The following AATK variants were observed in gnomAD, a reference collection of about 807,000 sequenced individuals.
AATK encodes the protein serine/threonine-protein kinase LMTK1.
A neutral mutation model predicts 114.3 loss-of-function variants in AATK; 91 were observed. That is an observed-to-expected ratio of 0.80 (90% CI 0.67 to 0.95). The LOEUF is 0.95. AATK is among the 40% of genes least tolerant of loss of function. AATK has a pLI of 0.00. For synonymous variants in AATK, 1,075 were observed against 916.5 expected (o/e 1.17, Z -3.12); for missense variants, 2,176 against 1,965.2 (o/e 1.11, Z -2.03).
In AATK at chr17:81,119,578, C is replaced by T; in HGVS notation, c.3886G>A (p.Gly1296Ser). 6.4e-7 allele frequency: 1 copy of T among 1,565,604 alleles called. No homozygotes were observed. Among genetic ancestry groups the T allele is most frequent in the Non-Finnish European group, 8.6e-7 (1 of 1,158,308 alleles). The stretch of plus-strand genomic sequence containing the variant: ...AAGTCGTCGTCCCACGCGAACCCAC[C>T]ACCTGCAGCCCAGGTCGCGGCGTCA... ...SPNGSTAEEGGGFAWDDDFPL... is the reference protein window; with the variant it reads ...SPNGSTAEEGSGFAWDDDFPL... The change falls in exon 13 of 14, where the codon GGT (glycine) becomes AGT (serine). Residue 1296 changes from glycine to serine, a missense_variant and splice_region_variant. Coordinates refer to ENST00000326724, the MANE Select transcript of AATK (RefSeq NM_001080395.3).
rs1416558474 is a variant in AATK, at chr17:81,122,398, G to A, written c.1538C>T (p.Pro513Leu). ...QELCAPDGAP[P>L]GVVPVLSAHS... The stretch of plus-strand genomic sequence containing the variant: ...CGCGCTGAGCACCGGAACCACGCCC[G>A]GGGGCGCGCCGTCGGGGGCGCACAG... Residue 513 changes from proline (P) to leucine (L), a missense_variant, in exon 11 of 14, where the codon CCG (proline) becomes CTG (leucine). Pro to Leu is a moderately conservative substitution (Grantham distance 98, BLOSUM62 -3). Coordinates refer to ENST00000326724, the MANE Select transcript of AATK (RefSeq NM_001080395.3). 53 of 1,474,288 alleles carry A rather than the reference G, an allele frequency of 3.6e-5. No individual in the cohort carries two copies. In the East Asian group the frequency reaches 1.4e-3, roughly 40 times the overall value. The allele number at this position is 1,474,288 out of a possible 1,614,324, so 91.3% of individuals were successfully genotyped here.
rs755309401 is a variant in AATK at position 81,122,060 on chromosome 17, C to T, written c.1876G>A (p.Asp626Asn). The stretch of plus-strand genomic sequence containing the variant: ...AAGGCGGCCACGCCCCAGTCTGCAT[C>T]CTCCGCTCCTCCCTCCGCCAGACTC... ...PLSLAEGGAE[D>N]ADWGVAAFCP... is the part of the protein sequence containing the mutation. Residue 626 changes from aspartate to asparagine, a missense_variant, in exon 11 of 14, where the codon GAT (aspartate) becomes AAT (asparagine). Transcript: ENST00000326724. 17 of 1,592,760 alleles carry T rather than the reference C, an allele frequency of 1.1e-5. No homozygotes were observed. Among genetic ancestry groups the T allele is most frequent in the Admixed American group, 6.7e-5 (4 of 59,416 alleles).
At chr17:81,148,411 C>A (rs375121946) in intron 1 of AATK, among the ~76,000 whole-genome samples, 15 of 152,230 alleles carry the variant, frequency 9.9e-5, no homozygotes, top group Non-Finnish European at 2.2e-4. Context: ...TCTTGCAAAG[C>A]GCCTGATGTG....
chr17:81,134,648 T>C, intron 1 of AATK, 147 bp from the exon 2 acceptor site: 2 of 1,069,812 alleles, frequency 1.9e-6, no homozygotes, highest in South Asian at 3.2e-5. Flanking sequence ...ACCCCACACC[T>C]CACAGTGTGG....
intron 1 of AATK, among the ~76,000 whole-genome samples, chr17:81,151,966 C>G (rs1053950376): frequency 6.6e-6 from 1 of 152,170 alleles, no homozygotes; most frequent in Non-Finnish European, 1.5e-5. Context: ...GGCAGTGCCA[C>G]GCTTGCCTTC....
chr17:81,138,672 T>C (rs2061069657), intron 1 of AATK, among the ~76,000 whole-genome samples: 1 of 140,478 alleles, frequency 7.1e-6, no homozygotes. Flanking sequence ...TATCCATACA[T>C]GCACACCCAC....
intron 1 of AATK, among the ~76,000 whole-genome samples, chr17:81,147,659 G>C (rs903096161): frequency 2.0e-5 from 3 of 152,172 alleles, no homozygotes; most frequent in Non-Finnish European, 4.4e-5. Flanking sequence ...CGGAGGCTGA[G>C]GTCGGAGGAT....
In AATK at chr17:81,122,827, C is replaced by T. The variant is rs569799855; in HGVS notation, c.1113-4G>A. 51 of 1,519,584 alleles carry T rather than the reference C, an allele frequency of 3.4e-5. No individual in the cohort carries two copies. In the Admixed American group the frequency reaches 5.4e-4, roughly 16 times the overall value. 94.1% of individuals were successfully genotyped at this position (1,519,584 alleles called of 1,614,324 possible). A position where few individuals can be genotyped will look rare whatever the true frequency, so the allele number is the denominator to read the frequency against. ...GCAGAACTGCATCACCTCGTACCTG[C>T]GAGGAGGTCCCCCGGGGGCCACGTC... On this transcript the variant is annotated splice_polypyrimidine_tract_variant and splice_region_variant and intron_variant, in intron 10 of 13. Coordinates refer to ENST00000326724, the MANE Select transcript of AATK (RefSeq NM_001080395.3).
chr17:81,122,211 C>A lies in AATK; in HGVS notation c.1725G>T (p.Glu575Asp), dbSNP rs913316217. ...CGGGTGGCCCGTGGCCCAGCAGCGGCTCCATGGCCAGCGAGGCGGCGGTGC... is the reference window on the plus strand; with the variant it reads ...CGGGTGGCCCGTGGCCCAGCAGCGGATCCATGGCCAGCGAGGCGGCGGTGC... ...DGSTAASLAM[E>D]PLLGHGPPVD... The change falls in exon 11 of 14, where the codon GAG becomes GAT. Residue 575 changes from glutamate to aspartate, a missense_variant. Glu to Asp is a conservative substitution (Grantham distance 45). Around this residue, in one of 4 missense-constraint regions of AATK, gnomAD observed 1,701 missense variants for 1,394.7 expected, o/e 1.22. Coordinates refer to ENST00000326724, the MANE Select transcript of AATK (RefSeq NM_001080395.3). The A allele has an allele frequency of 1.1e-5, 16 of 1,498,626 alleles. No homozygotes were observed. The African/African-American group carries it at 2.2e-4, about 21-fold the overall frequency. 92.8% of individuals were successfully genotyped at this position (1,498,626 alleles called of 1,614,324 possible).
At position 81,126,821 on chromosome 17, in the gene AATK, T is replaced by C. The variant is rs1238819103; in HGVS notation, c.622-261A>G. The stretch of plus-strand genomic sequence containing the variant: ...CGGGCAGCAGGAGTCCCTTGGCCTG[T>C]GGTAGAGAGAGAAACACAGGGCCCA... On this transcript the variant is annotated intron_variant, in intron 6 of 13. Transcript: ENST00000326724. The surrounding 1 kb of genome is among the most constrained non-coding windows in gnomAD (Gnocchi z 5.1). The C allele has an allele frequency of 7.6e-7, 1 of 1,313,968 alleles. No individual in the cohort carries two copies. Among genetic ancestry groups the C allele is most frequent in the African/African-American group, 1.5e-5 (1 of 67,602 alleles). The allele number at this position is 1,313,968 out of a possible 1,614,324, so 81.4% of individuals were successfully genotyped here. A position where few individuals can be genotyped will look rare whatever the true frequency, so the allele number is the denominator to read the frequency against.
rs747187733 is a variant in AATK at position 81,128,424 on chromosome 17, T to C, written c.414+46A>G. On this transcript the variant is annotated intron_variant, in intron 4 of 13. Transcript: ENST00000326724. Reference sequence around the variant, plus strand: ...GAGCAGGTCTGCAGCCCTGTGTCCCTTCTGCCTCCCAGGCGGGAGTCCTCC... The same window carrying C: ...GAGCAGGTCTGCAGCCCTGTGTCCCCTCTGCCTCCCAGGCGGGAGTCCTCC... 4 of 1,546,304 alleles carry C rather than the reference T, an allele frequency of 2.6e-6. No individual in the cohort carries two copies. The African/African-American group carries it at 5.5e-5, about 21-fold the overall frequency.
chr17:81,150,726 C>T (rs559516800), intron 1 of AATK, among the ~76,000 whole-genome samples: 1 of 152,324 alleles, frequency 6.6e-6, no homozygotes, highest in South Asian at 2.1e-4. Context: ...GAAGCGGGCT[C>T]TGGCCCCTAA....
chr17:81,149,256 C>T (rs1320584321), intron 1 of AATK, among the ~76,000 whole-genome samples: 4 of 152,172 alleles, frequency 2.6e-5, no homozygotes, highest in African/African-American at 9.7e-5. Context: ...TCACCCACCA[C>T]CACAGCCTCC....
intron 3 of AATK, among the ~76,000 whole-genome samples, chr17:81,130,733 C>A (rs549858262): frequency 1.3e-5 from 2 of 152,124 alleles, no homozygotes; most frequent in Non-Finnish European, 2.9e-5. Flanking sequence ...CAGTGCCCAC[C>A]CCTGCCCCGT....
chr17:81,165,879 G>GCATCAGGGC (rs921632905), intron 1 of AATK, 59 bp downstream of exon 1: 93 of 1,548,500 alleles, frequency 6.0e-5, no homozygotes, highest in Non-Finnish European at 5.5e-5. Context: ...GGGCCCAGGG[G>GCATCAGGGC]CATCACGTCC....
intron 10 of AATK, 53 bp from the exon 11 acceptor site, chr17:81,122,876 C>T (rs1284364442): frequency 1.9e-5 from 26 of 1,390,652 alleles, no homozygotes; most frequent in Non-Finnish European, 2.2e-5. Flanking sequence ...GCCAGGAACG[C>T]GTCCCTGGAG....
Position 81,147,621 on chromosome 17 carries a change from T to G in AATK, c.56-13120A>C, listed in dbSNP as rs1598962931. On this transcript the variant is annotated intron_variant, in intron 1 of 13. Transcript: ENST00000326724. The stretch of plus-strand genomic sequence containing the variant: ...AATAAATAAAATTAGCCAGGCATAG[T>G]GGCACACACCTGTGGTCCCAGCTAC... 2.0e-5 allele frequency among the ~76,000 whole-genome samples: 3 copies of G among 151,900 alleles called. No individual in the cohort carries two copies. In the East Asian group the frequency reaches 5.8e-4, roughly 29 times the overall value.
At chr17:81,119,684 G>A (rs565905731) in intron 12 of AATK, 104 bp from the exon 13 acceptor site, 2 of 797,264 alleles carry the variant, frequency 2.5e-6, no homozygotes, top group Non-Finnish European at 3.4e-6. Flanking sequence ...TCATGTCACG[G>A]GCCCAGGCCC....
At chr17:81,129,558 C>T (rs369854419) in intron 3 of AATK, among the ~76,000 whole-genome samples, 1 of 152,210 alleles carries the variant, frequency 6.6e-6, no homozygotes, top group Admixed American at 6.5e-5. Context: ...CAATCTCTCT[C>T]CTCCCTAGAA....
Sources: gnomAD v4.1 joint callset for allele counts (sites outside exome capture counted in the v4.1 genomes callset) on GRCh38, gnomAD v4.1.1 for gene constraint, gnomAD v4.1.1 regional missense constraint, Gnocchi (gnomAD v3.1) non-coding constraint, MANE v1.5 for transcripts, NCBI Gene and HGNC (gene_info 2026-07-23, HGNC 2026-07-21) for gene names.